SORCS1: variants seen among roughly 807,000 people sequenced by gnomAD.
SORCS1 encodes sortilin related VPS10 domain containing receptor 1, also known as VPS10 domain-containing receptor SorCS1.
SORCS1 carries 60 observed loss-of-function variants against 146.1 expected under a neutral mutation model. The observed-to-expected ratio is 0.41, with a 90% CI of 0.33 to 0.51. The LOEUF (loss-of-function observed/expected upper bound fraction) is 0.51, where lower values mean the gene tolerates loss of function less well. Among genes scored for constraint, SORCS1 ranks in the 20% least tolerant of loss-of-function variants. The pLI, the probability that SORCS1 is intolerant of heterozygous loss-of-function variation, is 0.21. For missense variants in SORCS1, 1,352 were observed against 1,487.6 expected (o/e 0.91, Z 1.50); for synonymous variants, 637 against 584.0 (o/e 1.09, Z -1.31).
intron 4 of SORCS1, among the ~76,000 whole-genome samples, chr10:106,765,157 G>A (rs1198672327): frequency 6.6e-6 from 1 of 151,728 alleles, no homozygotes; most frequent in East Asian, 1.9e-4. Context: ...TCTGCAATAA[G>A]AATGCAACAC....
At chr10:107,019,614 C>G (rs1958045318) in intron 1 of SORCS1, among the ~76,000 whole-genome samples, 1 of 152,330 alleles carries the variant, frequency 6.6e-6, no homozygotes, top group South Asian at 2.1e-4. Flanking sequence ...CAGGCTCCTT[C>G]TAGCAGGCAA....
At chr10:106,800,380 T>C (rs973531150) in intron 3 of SORCS1, among the ~76,000 whole-genome samples, 3 of 152,120 alleles carry the variant, frequency 2.0e-5, no homozygotes, top group Admixed American at 6.5e-5. Context: ...GATATCTCTG[T>C]TTAACAGAAC....
chr10:106,932,273 T>TA (rs1447367105), intron 2 of SORCS1, among the ~76,000 whole-genome samples: 1 of 152,106 alleles, frequency 6.6e-6, no homozygotes, highest in African/African-American at 2.4e-5. Context: ...CTGAAATTTT[T>TA]AAAAAAACAA....
At chr10:106,706,097 C>T (rs1281879876) in intron 8 of SORCS1, among the ~76,000 whole-genome samples, 2 of 151,736 alleles carry the variant, frequency 1.3e-5, no homozygotes, top group Non-Finnish European at 2.9e-5. Flanking sequence ...GTTAGAAAAC[C>T]AATACATATG....
chr10:106,847,976 A>C (rs1949375973), intron 2 of SORCS1, among the ~76,000 whole-genome samples: 1 of 149,112 alleles, frequency 6.7e-6, no homozygotes, highest in African/African-American at 2.5e-5. Flanking sequence ...CTGTTCTTTT[A>C]CATTTGCTGA....
At chr10:106,786,921 T>C (rs1177886772) in intron 3 of SORCS1, among the ~76,000 whole-genome samples, 2 of 152,300 alleles carry the variant, frequency 1.3e-5, no homozygotes, top group African/African-American at 2.4e-5. Flanking sequence ...TAATCTGTTA[T>C]CAGATTAAGG....
intron 20 of SORCS1, 178 bp downstream of exon 20, chr10:106,620,248 CAG>C (rs112818359): frequency 0.11 from 59,314 of 529,140 alleles, no homozygotes; most frequent in South Asian, 0.17. Flanking sequence ...GGAGAGGGGC[CAG>C]AGAGAGAGAG....
chr10:107,119,846 G>A (rs377635303), intron 1 of SORCS1, among the ~76,000 whole-genome samples: 1 of 152,098 alleles, frequency 6.6e-6, no homozygotes, highest in South Asian at 2.1e-4. Flanking sequence ...AAGAGTGAGA[G>A]TATTCATCAT....
intron 2 of SORCS1, among the ~76,000 whole-genome samples, chr10:106,932,799 A>T (rs1197112992): frequency 6.6e-6 from 1 of 152,150 alleles, no homozygotes; most frequent in Non-Finnish European, 1.5e-5. Context: ...GTTGCAAGCT[A>T]AATGCTTAAC....
chr10:107,169,813 T>C, the SORCS1 span, among the ~76,000 whole-genome samples: 2 of 152,196 alleles, frequency 1.3e-5, no homozygotes, highest in Non-Finnish European at 2.9e-5. Context: ...TTTTGTCCAA[T>C]TCTGTTCCCA....
chr10:107,133,068 T>G (rs538905329), intron 1 of SORCS1, among the ~76,000 whole-genome samples: 2 of 152,094 alleles, frequency 1.3e-5, no homozygotes, highest in East Asian at 3.9e-4. Context: ...ACGTACAAAT[T>G]TATTACATTC....
In SORCS1 at chr10:106,828,982, C is replaced by T. The variant is rs558438938; in HGVS notation, c.726+592G>A. ...CTCAGTTTTCTTATCTGTAAAATAA[C>T]GGTGTTGTAGATGATGATCTCCAAG... On this transcript the variant is annotated intron_variant, in intron 3 of 25. Coordinates refer to ENST00000263054, the MANE Select transcript of SORCS1 (RefSeq NM_052918.5). Among the ~76,000 whole-genome samples, 9 of 152,248 alleles carry T rather than the reference C, an allele frequency of 5.9e-5. No individual in the cohort carries two copies. In the South Asian group the frequency reaches 1.2e-3, roughly 21 times the overall value.
chr10:107,124,908 C>T (rs1273533015), intron 1 of SORCS1, among the ~76,000 whole-genome samples: 1 of 151,866 alleles, frequency 6.6e-6, no homozygotes, highest in African/African-American at 2.4e-5. Flanking sequence ...TTCTACCTCA[C>T]TGCCCACTCT....
At chr10:106,695,103 C>A (rs948744285) in intron 9 of SORCS1, among the ~76,000 whole-genome samples, 1 of 152,200 alleles carries the variant, frequency 6.6e-6, no homozygotes, top group African/African-American at 2.4e-5. Flanking sequence ...CACGATGCAC[C>A]GGACCATTCA....
chr10:106,695,302 A>G (rs1055929773), intron 9 of SORCS1, among the ~76,000 whole-genome samples: 1 of 152,114 alleles, frequency 6.6e-6, no homozygotes, highest in Non-Finnish European at 1.5e-5. Flanking sequence ...CTTTACATTG[A>G]CTTTTCCCCA....
rs139365363 is a variant in SORCS1 at position 106,757,291 on chromosome 10, C to T, written c.959+4297G>A. Among the ~76,000 whole-genome samples, 119 of 152,098 alleles carry T rather than the reference C, an allele frequency of 7.8e-4. 1 individual carries two copies. The highest frequency in any genetic ancestry group is 2.7e-3 in the African/African-American group (113 of 41,504). ...TCTCTAGGGAAATTCTATGTTATTA[C>T]CCATGGTAACTTAACAATTTGATTT... On this transcript the variant is annotated intron_variant, in intron 5 of 25. Transcript: ENST00000263054.
At chr10:107,066,764 G>A (rs1961904519) in intron 1 of SORCS1, among the ~76,000 whole-genome samples, 1 of 152,176 alleles carries the variant, frequency 6.6e-6, no homozygotes, top group Non-Finnish European at 1.5e-5. Context: ...TATAAAAGGA[G>A]GGAGAATAAA....
chr10:106,921,682 A>G (rs1180499719), intron 2 of SORCS1, among the ~76,000 whole-genome samples: 1 of 152,226 alleles, frequency 6.6e-6, no homozygotes, highest in Non-Finnish European at 1.5e-5. Flanking sequence ...CATCCACTGC[A>G]TTGCTACCCC....
chr10:107,131,123 G>A (rs1966864069), intron 1 of SORCS1, among the ~76,000 whole-genome samples: 1 of 152,110 alleles, frequency 6.6e-6, no homozygotes, highest in Non-Finnish European at 1.5e-5. Flanking sequence ...ACACTCTCCT[G>A]CTCTTTATAG....
Sources: allele counts gnomAD v4.1 joint callset (sites outside exome capture counted in the v4.1 genomes callset), GRCh38; gene constraint gnomAD v4.1.1; transcripts MANE v1.5; gene names NCBI Gene and HGNC (gene_info 2026-07-23, HGNC 2026-07-21).